Variants in ADRA1A observed in about 807,000 individuals in gnomAD.
ADRA1A encodes the protein alpha-1A adrenergic receptor.
In ADRA1A, 31 loss-of-function variants were observed where a neutral mutation model predicts 29.6. The ratio of observed to expected loss-of-function variants is 1.05; its 90% CI spans 0.79 to 1.41. ADRA1A has a LOEUF of 1.41. Among genes scored for constraint, ADRA1A ranks in the 40% most tolerant of loss-of-function variants. ADRA1A has a pLI of 0.00. For synonymous variants in ADRA1A, 311 were observed against 254.3 expected (o/e 1.22, Z -2.12); for missense variants, 619 against 601.1 (o/e 1.03, Z -0.31).
intron 2 of ADRA1A, among the ~76,000 whole-genome samples, chr8:26,790,166 T>G (rs1807711937): frequency 6.6e-6 from 1 of 152,200 alleles, no homozygotes; most frequent in African/African-American, 2.4e-5. Flanking sequence ...CTGTGTTTAT[T>G]GCAATGCTAT....
Position 26,863,014 on chromosome 8 carries a change from G to C in ADRA1A, c.883+1073C>G, listed in dbSNP as rs1242109066. The stretch of plus-strand genomic sequence containing the variant: ...TAGGAAAATGTCTGGAACATAAGTG[G>C]CACAAAAAAATAATAGTTGCTATTA... On this transcript the variant is annotated intron_variant, in intron 2 of 2. Coordinates refer to ENST00000380573, the MANE Select transcript of ADRA1A (RefSeq NM_000680.4). 3.3e-5 allele frequency among the ~76,000 whole-genome samples: 5 copies of C among 151,280 alleles called. No individual in the cohort carries two copies. In the East Asian group the frequency reaches 9.6e-4, roughly 29 times the overall value.
At chr8:26,778,968 T>A (rs1190002752) in intron 2 of ADRA1A, 1 of 152,750 alleles carries the variant, frequency 6.5e-6, no homozygotes, top group Non-Finnish European at 1.5e-5. Context: ...TATATATAAA[T>A]TTTTTTAATT....
chr8:26,822,500 C>G (rs1057478862), intron 2 of ADRA1A, among the ~76,000 whole-genome samples: 2 of 152,184 alleles, frequency 1.3e-5, no homozygotes, highest in African/African-American at 4.8e-5. Flanking sequence ...CTATATCAGA[C>G]AGCACAGATT....
At chr8:26,773,846 G>A (rs1438157428) in intron 2 of ADRA1A, among the ~76,000 whole-genome samples, 1 of 152,070 alleles carries the variant, frequency 6.6e-6, no homozygotes, top group African/African-American at 2.4e-5. Flanking sequence ...CAAGCTCTTG[G>A]GCCCTCTCTC....
intron 2 of ADRA1A, among the ~76,000 whole-genome samples, chr8:26,826,060 G>A (rs1184911508): frequency 6.6e-6 from 1 of 152,226 alleles, no homozygotes; most frequent in African/African-American, 2.4e-5. Flanking sequence ...CATGAACAGA[G>A]GGTGCATTCC....
Position 26,775,004 on chromosome 8 carries a change from A to G in ADRA1A, c.884-4338T>C, listed in dbSNP as rs923124675. 6.6e-6 allele frequency among the ~76,000 whole-genome samples: 1 copy of G among 152,328 alleles called. No individual in the cohort carries two copies. Among genetic ancestry groups the G allele is most frequent in the Non-Finnish European group, 1.5e-5 (1 of 68,036 alleles). ...TCCTGGCCTCCAGCCATCAGGACCT[A>G]GAGGGTCAGGGCTGAACCAGCCTGG... On this transcript the variant is annotated intron_variant, in intron 2 of 2. Coordinates refer to ENST00000380573, the MANE Select transcript of ADRA1A (RefSeq NM_000680.4). The surrounding 1 kb of genome is among the most constrained non-coding windows in gnomAD (Gnocchi z 4.1).
intron 2 of ADRA1A, among the ~76,000 whole-genome samples, chr8:26,824,151 A>G (rs998371918): frequency 6.6e-6 from 1 of 152,148 alleles, no homozygotes; most frequent in Non-Finnish European, 1.5e-5. Flanking sequence ...AATAGAAAGG[A>G]TATATAATAT....
At chr8:26,832,248 C>G (rs1811033693) in intron 2 of ADRA1A, among the ~76,000 whole-genome samples, 1 of 152,208 alleles carries the variant, frequency 6.6e-6, no homozygotes, top group African/African-American at 2.4e-5. Flanking sequence ...TGGTGAAACC[C>G]TGTCCCAGAC....
chr8:26,855,255 G>A (rs919025742), intron 2 of ADRA1A, among the ~76,000 whole-genome samples: 4 of 151,986 alleles, frequency 2.6e-5, no homozygotes, highest in Non-Finnish European at 4.4e-5. Context: ...ATGCATATGT[G>A]TATTTCCATG....
chr8:26,811,544 G>T (rs964343360), intron 2 of ADRA1A, among the ~76,000 whole-genome samples: 8 of 152,180 alleles, frequency 5.3e-5, no homozygotes, highest in Non-Finnish European at 1.2e-4. Flanking sequence ...ATCTCTCCTT[G>T]TCACTGCCAC....
chr8:26,756,901 A>G (rs1013998587), intron 2 of ADRA1A: 2 of 1,436,186 alleles, frequency 1.4e-6, no homozygotes, highest in South Asian at 1.4e-5. Context: ...CTCCAAACCC[A>G]ATGTGTCCAT....
chr8:26,788,203 T>C (rs1563253110), intron 2 of ADRA1A, among the ~76,000 whole-genome samples: 1 of 152,178 alleles, frequency 6.6e-6, no homozygotes, highest in Non-Finnish European at 1.5e-5. Flanking sequence ...ATTTTATTTA[T>C]TTGGGATTTT....
At chr8:26,822,169 G>T (rs73680928) in intron 2 of ADRA1A, among the ~76,000 whole-genome samples, 4,346 of 152,288 alleles carry the variant, frequency 0.029, 205 homozygotes, top group African/African-American at 0.096. Flanking sequence ...ATTTGTGAAA[G>T]TCTTTCCAAA....
chr8:26,864,742 G>A lies in ADRA1A; in HGVS notation c.228C>T (p.Thr76=). The part of the protein sequence containing the change: ...VNLAVADLLL[T]STVLPFSAIF... The stretch of plus-strand genomic sequence containing the variant: ...TGGCGGAGAAGGGCAGCACCGTGGA[G>A]GTGAGCAGGAGGTCGGCCACCGCCA... Residue 76 remains threonine (T), a synonymous_variant, in exon 2 of 3, where the codon ACC becomes ACT. Coordinates refer to ENST00000380573, the MANE Select transcript of ADRA1A (RefSeq NM_000680.4). This position sits in a 1 kb window ranked among gnomAD's most constrained non-coding sequence, Gnocchi z 8.1. 1 of 1,614,180 alleles carries A rather than the reference G, an allele frequency of 6.2e-7. No homozygotes were observed. The highest frequency in any genetic ancestry group is 8.5e-7 in the Non-Finnish European group (1 of 1,180,032).
exon 3 of ADRA1A, chr8:26,756,460 T>G: frequency 6.9e-7 from 1 of 1,455,526 alleles, no homozygotes; most frequent in African/African-American, 1.4e-5. Context: ...GGGAGGGAGG[T>G]TGTATGAAAC....
At chr8:26,829,164 T>A (rs1178639340) in intron 2 of ADRA1A, among the ~76,000 whole-genome samples, 1 of 152,050 alleles carries the variant, frequency 6.6e-6, no homozygotes, top group Non-Finnish European at 1.5e-5. Flanking sequence ...GCACTGAACC[T>A]CCACTCACAA....
intron 2 of ADRA1A, among the ~76,000 whole-genome samples, chr8:26,797,634 T>TA (rs142534777): frequency 0.017 from 2,628 of 152,204 alleles, 69 homozygotes; most frequent in African/African-American, 0.057. Context: ...ATATATTTTT[T>TA]AAATTTCTCA....
rs899402774 is a variant in ADRA1A at position 26,805,831 on chromosome 8, C to G, written c.884-35165G>C. 3.3e-5 allele frequency among the ~76,000 whole-genome samples: 5 copies of G among 152,128 alleles called. No individual in the cohort carries two copies. The highest frequency in any genetic ancestry group is 9.7e-5 in the African/African-American group (4 of 41,428). On this transcript the variant is annotated intron_variant, in intron 2 of 2. Coordinates refer to ENST00000380573, the MANE Select transcript of ADRA1A (RefSeq NM_000680.4). The surrounding 1 kb of genome is among the most constrained non-coding windows in gnomAD (Gnocchi z 4.8). Reference sequence around the variant, plus strand: ...ATTTATTTTTAACCATTTTCCCCCCCACATAGATTTGGCATTATTAACAGA... The same window carrying G: ...ATTTATTTTTAACCATTTTCCCCCCGACATAGATTTGGCATTATTAACAGA...
chr8:26,818,735 A>T (rs1809942330), intron 2 of ADRA1A, among the ~76,000 whole-genome samples: 1 of 152,140 alleles, frequency 6.6e-6, no homozygotes, highest in Non-Finnish European at 1.5e-5. Flanking sequence ...GATCAAGGAG[A>T]AGAAAGAATC....
Sources: allele counts gnomAD v4.1 joint callset (sites outside exome capture counted in the v4.1 genomes callset), GRCh38; gene constraint gnomAD v4.1.1; non-coding constraint Gnocchi (gnomAD v3.1); transcripts MANE v1.5; gene names NCBI Gene and HGNC (gene_info 2026-07-23, HGNC 2026-07-21).